Variants in STN1 observed in about 807,000 individuals in gnomAD.
STN1 encodes STN1 subunit of CST complex, also known as CST complex subunit STN1.
STN1 carries 29 observed loss-of-function variants against 45.5 expected under a neutral mutation model. The observed-to-expected ratio is 0.64, with a 90% CI of 0.47 to 0.87. The LOEUF (loss-of-function observed/expected upper bound fraction) is 0.87. STN1 is among the 40% of genes least tolerant of loss of function. The pLI is 0.00. For synonymous variants in STN1, 148 were observed against 159.0 expected (o/e 0.93, Z 0.52); for missense variants, 376 against 441.4 (o/e 0.85, Z 1.33).
chr10:103,881,387 C>T lies in STN1; in HGVS notation c.*1297G>A, dbSNP rs1377009133. Among the ~76,000 whole-genome samples, 1 of 152,218 alleles carries T rather than the reference C, an allele frequency of 6.6e-6. No homozygotes were observed. The highest frequency in any genetic ancestry group is 1.5e-5 in the Non-Finnish European group (1 of 68,034). ...CTCAAGGAAGAACTGCCCAGGACAT[C>T]ATTCCAGGCAGACTCTATGCTAGGG... On this transcript the variant is annotated 3_prime_UTR_variant, in exon 10 of 10. Coordinates refer to ENST00000224950, the MANE Select transcript of STN1 (RefSeq NM_024928.5).
At chr10:103,889,993 C>T (rs1289599907) in intron 8 of STN1, among the ~76,000 whole-genome samples, 1 of 152,168 alleles carries the variant, frequency 6.6e-6, no homozygotes, top group Non-Finnish European at 1.5e-5. Context: ...GCGTGAGCCA[C>T]CGCACCTGGC....
At chr10:103,906,003 T>C (rs1289522599) in intron 3 of STN1, among the ~76,000 whole-genome samples, 2 of 151,374 alleles carry the variant, frequency 1.3e-5, no homozygotes, top group Middle Eastern at 3.4e-3. Flanking sequence ...TCTCTAAATT[T>C]AAAAAAAAAT....
rs190269804 is a variant in STN1, at chr10:103,901,561, T to C, written c.296-1338A>G. On this transcript the variant is annotated intron_variant, in intron 4 of 9. Transcript: ENST00000224950. ...ACTGTGCCTGTTTCCTTTCTACACTTACGCTTCGGTTTCCTCAATTATGAA... is the reference window on the plus strand; with the variant it reads ...ACTGTGCCTGTTTCCTTTCTACACTCACGCTTCGGTTTCCTCAATTATGAA... 2.0e-3 allele frequency among the ~76,000 whole-genome samples: 303 copies of C among 152,342 alleles called. 2 individuals carry two copies. The highest frequency in any genetic ancestry group is 7.0e-3 in the African/African-American group (291 of 41,580).
chr10:103,905,187 A>C (rs1843233068), intron 3 of STN1, 31 bp from the exon 4 acceptor site: 1 of 1,594,490 alleles, frequency 6.3e-7, no homozygotes, highest in Admixed American at 1.7e-5. Context: ...GGTATAAGAG[A>C]GATTTGGGCA....
In STN1 at chr10:103,900,297, T is replaced by C; in HGVS notation, c.296-74A>G. The C allele has an allele frequency of 2.0e-6, 3 of 1,474,572 alleles. No individual in the cohort carries two copies. The South Asian group carries it at 3.7e-5, about 18-fold the overall frequency. 91.3% of individuals were successfully genotyped at this position (1,474,572 alleles called of 1,614,324 possible). On this transcript the variant is annotated intron_variant, in intron 4 of 9. Transcript: ENST00000224950. ...CACTCTACCACATCTGTGAGACAGT[T>C]TTAGGGTAAGACCAACACAATATGC...
In STN1 at chr10:103,909,520, A is replaced by ACATATATATGTATATATG. The variant is rs1843275209; in HGVS notation, c.229+1006_229+1007insCATATATACATATATATG. Among the ~76,000 whole-genome samples, 4 of 14,468 alleles carry ACATATATATGTATATATG rather than the reference A, an allele frequency of 2.8e-4. No individual in the cohort carries two copies. The East Asian group carries it at 0.047, about 170-fold the overall frequency. The allele number at this position is 14,468 out of a possible 152,430, so 9.5% of individuals were successfully genotyped here. On this transcript the variant is annotated intron_variant, in intron 3 of 9. Transcript: ENST00000224950. ...TGTATATGTATATATGTATATATGT[A>ACATATATATGTATATATG]TATATATGTACATATATATGTACAT...
At chr10:103,909,490 G>GTATA in intron 3 of STN1, among the ~76,000 whole-genome samples, 2 of 31,622 alleles carry the variant, frequency 6.3e-5, no homozygotes, top group East Asian at 3.6e-3. Context: ...ATATATATGT[G>GTATA]TGTGTGTATA....
At chr10:103,887,311 G>A (rs989164480) in intron 9 of STN1, among the ~76,000 whole-genome samples, 4 of 152,126 alleles carry the variant, frequency 2.6e-5, no homozygotes, top group Non-Finnish European at 4.4e-5. Context: ...TTTCTGTCAA[G>A]GATAAATAAT....
intron 3 of STN1, among the ~76,000 whole-genome samples, chr10:103,906,751 G>A (rs1344146903): frequency 3.3e-5 from 5 of 152,024 alleles, no homozygotes; most frequent in African/African-American, 7.2e-5. Flanking sequence ...AAGAATATGC[G>A]ATTCATGGAA....
In STN1 at chr10:103,918,084, TA is replaced by T; in HGVS notation, c.-63+15del. The T allele has an allele frequency of 6.5e-6, 1 of 153,290 alleles. No homozygotes were observed. The highest frequency in any genetic ancestry group is 1.9e-4 in the East Asian group (1 of 5,176). 9.5% of individuals were successfully genotyped at this position (153,290 alleles called of 1,614,324 possible). A position where few individuals can be genotyped will look rare whatever the true frequency, so the allele number is the denominator to read the frequency against. On this transcript the variant is annotated intron_variant, in intron 1 of 9. Coordinates refer to ENST00000224950, the MANE Select transcript of STN1 (RefSeq NM_024928.5). ...CCAAGAAAAGGAGGAAAAAAGATAC[TA>T]AAAAATGGACCCACTTGTAGCCCCT...
In STN1 at chr10:103,877,852, T is replaced by A. The variant is rs1307278117; in HGVS notation, c.*4832A>T. On this transcript the variant is annotated 3_prime_UTR_variant, in exon 10 of 10. Coordinates refer to ENST00000224950, the MANE Select transcript of STN1 (RefSeq NM_024928.5). Reference sequence around the variant, plus strand: ...CTGGCGAGCCTTATCACAGTCTTTCTGAGTTTGCCTGTATGCTTCACATAA... The same window carrying A: ...CTGGCGAGCCTTATCACAGTCTTTCAGAGTTTGCCTGTATGCTTCACATAA... 8 of 152,368 alleles carry A rather than the reference T, an allele frequency of 5.3e-5. No homozygotes were observed. The highest frequency in any genetic ancestry group is 1.7e-4 in the African/African-American group (7 of 41,572). The allele number at this position is 152,368 out of a possible 1,614,324, so 9.4% of individuals were successfully genotyped here.
At chr10:103,889,781 C>T (rs1843127677) in intron 8 of STN1, among the ~76,000 whole-genome samples, 2 of 147,700 alleles carry the variant, frequency 1.4e-5, no homozygotes, top group Non-Finnish European at 1.5e-5. Flanking sequence ...TAGCTCACTG[C>T]AACCTCCGCC....
At position 103,900,198 on chromosome 10, in the gene STN1, G is replaced by A; in HGVS notation, c.321C>T (p.Leu107=). 1 of 1,614,112 alleles carries A rather than the reference G, an allele frequency of 6.2e-7. No individual in the cohort carries two copies. Among genetic ancestry groups the A allele is most frequent in the South Asian group, 1.1e-5 (1 of 91,074 alleles). The change falls in exon 5 of 10, where the codon CTC becomes CTT. Residue 107 remains leucine (L), a synonymous_variant. Transcript: ENST00000224950. ...GCTTCTTAAGTTGTGAGGTTAAGCT[G>A]AGCTCTCTTGCTGCACTTGGAGCAG... The part of the protein sequence containing the change: ...VSAAPSAARE[L]SLTSQLKKLQ...
intron 2 of STN1, among the ~76,000 whole-genome samples, chr10:103,914,811 G>A (rs950587388): frequency 6.6e-6 from 1 of 152,154 alleles, no homozygotes; most frequent in Non-Finnish European, 1.5e-5. Context: ...ATTTTGCAAT[G>A]CAATTCTGAT....
intron 4 of STN1, among the ~76,000 whole-genome samples, chr10:103,901,744 C>A (rs904602194): frequency 5.3e-5 from 8 of 152,120 alleles, no homozygotes; most frequent in African/African-American, 1.7e-4. Flanking sequence ...GAAAAAGTAT[C>A]TTGTTTTTTG....
At position 103,911,774 on chromosome 10, in the gene STN1, T is replaced by C. The variant is rs190751657; in HGVS notation, c.134-1152A>G. ...ACATCAAGCATAGTCACAGCTTCTATTCTGTCCATTCATGGGGGGACCTGT... is the reference window on the plus strand; with the variant it reads ...ACATCAAGCATAGTCACAGCTTCTACTCTGTCCATTCATGGGGGGACCTGT... On this transcript the variant is annotated intron_variant, in intron 2 of 9. Transcript: ENST00000224950. Among the ~76,000 whole-genome samples, 6 of 152,276 alleles carry C rather than the reference T, an allele frequency of 3.9e-5. No homozygotes were observed. In the East Asian group the frequency reaches 1.2e-3, roughly 29 times the overall value.
chr10:103,900,882 T>C (rs972958556), intron 4 of STN1, among the ~76,000 whole-genome samples: 10 of 152,246 alleles, frequency 6.6e-5, no homozygotes, highest in Admixed American at 5.9e-4. Flanking sequence ...ATTAGTTAAG[T>C]AAGAAGAATC....
In STN1 at chr10:103,889,155, A is replaced by G. The variant is rs1402095911; in HGVS notation, c.877-11T>C. The G allele has an allele frequency of 6.3e-7, 1 of 1,590,426 alleles. No individual in the cohort carries two copies. Among genetic ancestry groups the G allele is most frequent in the Non-Finnish European group, 8.6e-7 (1 of 1,158,474 alleles). ...GTCTTCTCTGGTTACCTAAATAGGA[A>G]AAATAGTTGAGAGAGAGAGTGTTCT... On this transcript the variant is annotated splice_polypyrimidine_tract_variant and intron_variant, in intron 8 of 9. Transcript: ENST00000224950.
In STN1 at chr10:103,900,987, C is replaced by T. The variant is rs569055596; in HGVS notation, c.296-764G>A. Among the ~76,000 whole-genome samples the T allele has an allele frequency of 2.0e-5, 3 of 152,214 alleles. No individual in the cohort carries two copies. In the South Asian group the frequency reaches 6.2e-4, roughly 32 times the overall value. On this transcript the variant is annotated intron_variant, in intron 4 of 9. Coordinates refer to ENST00000224950, the MANE Select transcript of STN1 (RefSeq NM_024928.5). ...ACAACCACTCCTGCTCATTATTAGT[C>T]CCATTTTAGAGAGGAAACTGAGTCA...
Sources: allele counts gnomAD v4.1 joint callset (sites outside exome capture counted in the v4.1 genomes callset), GRCh38; gene constraint gnomAD v4.1.1; transcripts MANE v1.5; gene names NCBI Gene and HGNC (gene_info 2026-07-23, HGNC 2026-07-21).